Variants in PMFBP1 observed in about 807,000 individuals in gnomAD.
The protein encoded by PMFBP1 is polyamine modulated factor 1 binding protein 1, also known as polyamine-modulated factor 1-binding protein 1.
PMFBP1 carries 131 observed loss-of-function variants against 137.8 expected under a neutral mutation model. The observed-to-expected ratio is 0.95, with a 90% confidence interval of 0.82 to 1.10. The LOEUF (loss-of-function observed/expected upper bound fraction) is 1.10. Ranked by LOEUF, PMFBP1 falls within the 50% of genes least tolerant of loss-of-function variation. The pLI is 0.00. For synonymous variants in PMFBP1, 490 were observed against 450.4 expected (o/e 1.09, Z -1.11); for missense variants, 1,199 against 1,175.4 (o/e 1.02, Z -0.29).
the PMFBP1 span, chr16:72,225,138 T>C: frequency 6.6e-6 from 1 of 152,192 alleles, no homozygotes; most frequent in Non-Finnish European, 1.5e-5. Flanking sequence ...CACCATACTT[T>C]ATCCATACAT....
At chr16:72,141,200 G>T (rs182747838) in intron 5 of PMFBP1, among the ~76,000 whole-genome samples, 1 of 152,120 alleles carries the variant, frequency 6.6e-6, no homozygotes, top group Non-Finnish European at 1.5e-5. Flanking sequence ...GTCTCCCAAA[G>T]TGCTGGGATT....
the PMFBP1 span, among the ~76,000 whole-genome samples, chr16:72,186,571 C>T: frequency 6.6e-6 from 1 of 152,048 alleles, no homozygotes; most frequent in African/African-American, 2.4e-5. Flanking sequence ...GGGAGAGACA[C>T]ATCAACAATT....
chr16:72,144,689 T>G (rs1209551001), intron 5 of PMFBP1, among the ~76,000 whole-genome samples: 1 of 152,210 alleles, frequency 6.6e-6, no homozygotes, highest in Non-Finnish European at 1.5e-5. Flanking sequence ...TAAACTTTTA[T>G]AATCCTGAAG....
intron 3 of PMFBP1, among the ~76,000 whole-genome samples, chr16:72,160,326 T>TA (rs1238368343): frequency 6.6e-6 from 1 of 152,242 alleles, no homozygotes; most frequent in Non-Finnish European, 1.5e-5. Context: ...TTTCCCTTTT[T>TA]AAAAAGATGA....
chr16:72,197,344 T>A, the PMFBP1 span, among the ~76,000 whole-genome samples: 20,485 of 152,250 alleles, frequency 0.13, 2,539 homozygotes, highest in African/African-American at 0.33. Context: ...GGAGGCCTTG[T>A]TAGCAACCCT....
intron 19 of PMFBP1, among the ~76,000 whole-genome samples, chr16:72,121,881 T>C (rs1403870730): frequency 6.6e-6 from 1 of 152,148 alleles, no homozygotes; most frequent in Non-Finnish European, 1.5e-5. Context: ...TAAACTGTGG[T>C]CATTTTCTTT....
At chr16:72,146,948 C>A (rs1211010971) in intron 5 of PMFBP1, among the ~76,000 whole-genome samples, 5 of 152,156 alleles carry the variant, frequency 3.3e-5, no homozygotes, top group African/African-American at 1.2e-4. Context: ...GCCATACTGC[C>A]CAAAGTACTT....
At chr16:72,238,556 A>T in the PMFBP1 span, among the ~76,000 whole-genome samples, 5 of 152,136 alleles carry the variant, frequency 3.3e-5, no homozygotes, top group African/African-American at 1.2e-4. Flanking sequence ...TCAGTAATCA[A>T]TTGCTCACTT....
chr16:72,128,814 C>T lies in PMFBP1; in HGVS notation c.1951-20G>A. ...TTTCAACTGTTCCCTCATTAAAGAA[C>T]AAAGCACAGCAAAGAGGTGTTAATC... On this transcript the variant is annotated intron_variant, in intron 13 of 20. Transcript: ENST00000237353. 6.2e-7 allele frequency: 1 copy of T among 1,613,868 alleles called. No homozygotes were observed. The highest frequency in any genetic ancestry group is 8.5e-7 in the Non-Finnish European group (1 of 1,179,894).
In PMFBP1 at chr16:72,132,732, C is replaced by G. The variant is rs1262531381; in HGVS notation, c.1447+16G>C. ...CACAGAAAAGTGTGGTGGGACAGCACCTGCAGGGGCCTCACCAGCCAGCCT... is the reference window on the plus strand; with the variant it reads ...CACAGAAAAGTGTGGTGGGACAGCAGCTGCAGGGGCCTCACCAGCCAGCCT... On this transcript the variant is annotated intron_variant, in intron 10 of 20. Transcript: ENST00000237353. 1 of 1,613,910 alleles carries G rather than the reference C, an allele frequency of 6.2e-7. No homozygotes were observed. Among genetic ancestry groups the G allele is most frequent in the Non-Finnish European group, 8.5e-7 (1 of 1,179,980 alleles).
chr16:72,243,077 T>C, the PMFBP1 span, among the ~76,000 whole-genome samples: 2 of 152,228 alleles, frequency 1.3e-5, no homozygotes, highest in African/African-American at 2.4e-5. Flanking sequence ...ATTTTCATCA[T>C]TTGCCTATGA....
chr16:72,195,821 C>T, the PMFBP1 span, among the ~76,000 whole-genome samples: 1 of 152,264 alleles, frequency 6.6e-6, no homozygotes, highest in Non-Finnish European at 1.5e-5. Context: ...TGGCCAGGGC[C>T]GTCCTGGGCT....
the PMFBP1 span, among the ~76,000 whole-genome samples, chr16:72,184,028 C>A: frequency 2.0e-5 from 3 of 152,122 alleles, no homozygotes; most frequent in Non-Finnish European, 4.4e-5. Context: ...TTTCTAGAAG[C>A]ACTTTCTCCT....
chr16:72,239,098 T>G, the PMFBP1 span, among the ~76,000 whole-genome samples: 1 of 152,210 alleles, frequency 6.6e-6, no homozygotes, highest in African/African-American at 2.4e-5. Context: ...ATGTTATTAG[T>G]GCTGAGATTG....
intron 3 of PMFBP1, among the ~76,000 whole-genome samples, chr16:72,162,008 C>T (rs761028341): frequency 4.6e-5 from 7 of 152,242 alleles, no homozygotes; most frequent in Non-Finnish European, 8.8e-5. Context: ...CTGAGCTCTA[C>T]TGAATATCAG....
the PMFBP1 span, among the ~76,000 whole-genome samples, chr16:72,184,526 G>T: frequency 6.6e-6 from 1 of 152,164 alleles, no homozygotes; most frequent in Non-Finnish European, 1.5e-5. Flanking sequence ...TATGTAATCT[G>T]CATAACAGCC....
chr16:72,167,159 C>G (rs746332403), intron 2 of PMFBP1, among the ~76,000 whole-genome samples: 1 of 152,216 alleles, frequency 6.6e-6, no homozygotes, highest in Non-Finnish European at 1.5e-5. Flanking sequence ...GACCCCTGCA[C>G]AAGGCCGAGG....
upstream of PMFBP1, among the ~76,000 whole-genome samples, chr16:72,175,890 T>C (rs1440202341): frequency 6.6e-6 from 1 of 152,176 alleles, no homozygotes; most frequent in Admixed American, 6.5e-5. Flanking sequence ...GGGATACTTA[T>C]TGTATACTAA....
chr16:72,187,015 A>T, the PMFBP1 span, among the ~76,000 whole-genome samples: 2 of 151,854 alleles, frequency 1.3e-5, no homozygotes, highest in Non-Finnish European at 2.9e-5. Context: ...CAGGAGGCTG[A>T]GGCAGGAGAA....
Sources: gnomAD v4.1 joint callset for allele counts (sites outside exome capture counted in the v4.1 genomes callset) on GRCh38, gnomAD v4.1.1 for gene constraint, MANE v1.5 for transcripts, NCBI Gene and HGNC (gene_info 2026-07-23, HGNC 2026-07-21) for gene names.